LRMDA: variants seen among roughly 807,000 people sequenced by gnomAD.
The protein encoded by LRMDA is leucine-rich melanocyte differentiation-associated protein.
In LRMDA, 18 loss-of-function variants were observed where a neutral mutation model predicts 29.8. The ratio of observed to expected loss-of-function variants is 0.60; its 90% confidence interval spans 0.42 to 0.90. The LOEUF (loss-of-function observed/expected upper bound fraction) is 0.90, where lower values mean the gene tolerates loss of function less well. Ranked by LOEUF, LRMDA falls within the 40% of genes least tolerant of loss-of-function variation. The pLI is 0.00. For missense variants in LRMDA, 273 were observed against 273.9 expected, an observed-to-expected ratio of 1.00 and a Z score of 0.02; for synonymous variants, 125 against 109.4, an observed-to-expected ratio of 1.14 and a Z score of -0.89.
At chr10:76,212,820 GTGGAAGTGACT>G (rs1564687789) in intron 5 of LRMDA, among the ~76,000 whole-genome samples, 1 of 152,154 alleles carries the variant, frequency 6.6e-6, no homozygotes, top group Non-Finnish European at 1.5e-5. Flanking sequence ...ATCAGTGTAG[GTGGAAGTGACT>G]TGGATCTTGC....
intron 5 of LRMDA, among the ~76,000 whole-genome samples, chr10:76,194,041 G>A (rs906985476): frequency 6.6e-6 from 1 of 152,182 alleles, no homozygotes; most frequent in Non-Finnish European, 1.5e-5. Context: ...GAGACTTGAA[G>A]GGACAGGATA....
At chr10:75,473,195 T>C (rs989616307) in intron 2 of LRMDA, among the ~76,000 whole-genome samples, 6 of 152,190 alleles carry the variant, frequency 3.9e-5, no homozygotes, top group African/African-American at 1.4e-4. Context: ...TGAGATTGGA[T>C]GTAAATCAAA....
intron 2 of LRMDA, among the ~76,000 whole-genome samples, chr10:75,629,178 C>A (rs1459050543): frequency 2.0e-5 from 3 of 152,194 alleles, no homozygotes; most frequent in Non-Finnish European, 2.9e-5. Context: ...CTCCTCTCAT[C>A]TGAGAAGAAA....
intron 2 of LRMDA, among the ~76,000 whole-genome samples, chr10:75,881,680 C>G (rs1845297436): frequency 6.6e-6 from 1 of 152,186 alleles, no homozygotes; most frequent in Non-Finnish European, 1.5e-5. Flanking sequence ...GGGTGAACAC[C>G]AAGTGGCCAA....
chr10:76,521,197 G>A (rs1231274128), intron 6 of LRMDA, among the ~76,000 whole-genome samples: 5 of 148,070 alleles, frequency 3.4e-5, no homozygotes, highest in African/African-American at 1.0e-4. Flanking sequence ...GCCGTGGCGC[G>A]ATCTCGGCTC....
chr10:75,847,933 A>G (rs1361608060), intron 2 of LRMDA, among the ~76,000 whole-genome samples: 1 of 152,236 alleles, frequency 6.6e-6, no homozygotes, highest in East Asian at 1.9e-4. Context: ...AAGGATATGG[A>G]GAAATTGGAA....
At chr10:75,591,330 G>A (rs1473018663) in intron 2 of LRMDA, among the ~76,000 whole-genome samples, 4 of 152,184 alleles carry the variant, frequency 2.6e-5, no homozygotes, top group East Asian at 3.8e-4. Context: ...CTTTGTTTTA[G>A]TAATTGCACA....
At chr10:76,014,895 G>C (rs2132484517) in intron 2 of LRMDA, among the ~76,000 whole-genome samples, 1 of 152,324 alleles carries the variant, frequency 6.6e-6, no homozygotes, top group South Asian at 2.1e-4. Context: ...CCTCCTGGCT[G>C]CAGCATCTAA....
chr10:76,291,394 C>T (rs1463217160), intron 5 of LRMDA, among the ~76,000 whole-genome samples: 1 of 152,118 alleles, frequency 6.6e-6, no homozygotes, highest in Non-Finnish European at 1.5e-5. Flanking sequence ...CTTCTAATGA[C>T]TGAAATGTTT....
At chr10:76,504,621 G>A (rs1160095258) in intron 6 of LRMDA, among the ~76,000 whole-genome samples, 1 of 152,000 alleles carries the variant, frequency 6.6e-6, no homozygotes, top group Admixed American at 6.6e-5. Flanking sequence ...TCTGATATAA[G>A]AATAGTGAGT....
chr10:75,758,132 G>A (rs544449803), intron 2 of LRMDA, among the ~76,000 whole-genome samples: 1 of 152,318 alleles, frequency 6.6e-6, no homozygotes, highest in Admixed American at 6.5e-5. Flanking sequence ...CCCTGGTGAG[G>A]CAGGTGAACC....
chr10:76,464,826 T>C (rs553755841), intron 6 of LRMDA: 3 of 152,196 alleles, frequency 2.0e-5, no homozygotes, highest in African/African-American at 4.8e-5. Flanking sequence ...TGGGTGTGAA[T>C]CTCTGTGTGC....
intron 2 of LRMDA, among the ~76,000 whole-genome samples, chr10:75,669,928 G>A (rs897407275): frequency 2.6e-5 from 4 of 152,168 alleles, no homozygotes; most frequent in Non-Finnish European, 5.9e-5. Flanking sequence ...AAGAAAAGGA[G>A]CAGATGAGAA....
chr10:75,949,748 G>A (rs1470662024), intron 2 of LRMDA, among the ~76,000 whole-genome samples: 1 of 152,122 alleles, frequency 6.6e-6, no homozygotes, highest in Non-Finnish European at 1.5e-5. Flanking sequence ...TTTACCCATA[G>A]GGAAGCTTGC....
At chr10:76,472,699 G>T (rs142418926) in intron 6 of LRMDA, among the ~76,000 whole-genome samples, 2 of 151,512 alleles carry the variant, frequency 1.3e-5, no homozygotes, top group South Asian at 2.1e-4. Context: ...GAAAGAGGGA[G>T]CATTACTATC....
At chr10:75,893,891 C>A (rs1172157251) in intron 2 of LRMDA, among the ~76,000 whole-genome samples, 1 of 149,818 alleles carries the variant, frequency 6.7e-6, no homozygotes, top group East Asian at 1.9e-4. Flanking sequence ...CGAGATCACA[C>A]CACTGCACTC....
At chr10:75,728,837 T>C (rs1311054241) in intron 2 of LRMDA, among the ~76,000 whole-genome samples, 1 of 152,070 alleles carries the variant, frequency 6.6e-6, no homozygotes, top group Non-Finnish European at 1.5e-5. Context: ...TTTGGGTAGA[T>C]GGATAAGTTG....
intron 2 of LRMDA, among the ~76,000 whole-genome samples, chr10:75,612,984 C>T (rs1041238986): frequency 6.6e-6 from 1 of 152,198 alleles, no homozygotes; most frequent in African/African-American, 2.4e-5. Flanking sequence ...AAGAGCATTA[C>T]TCAAACGTAT....
At chr10:76,221,290 G>A (rs904352127) in intron 5 of LRMDA, among the ~76,000 whole-genome samples, 1 of 152,160 alleles carries the variant, frequency 6.6e-6, no homozygotes, top group Non-Finnish European at 1.5e-5. Context: ...GGCAGGAGAA[G>A]GAAATAAAGG....
Sources: allele counts gnomAD v4.1 joint callset (sites outside exome capture counted in the v4.1 genomes callset), GRCh38; gene constraint gnomAD v4.1.1; transcripts MANE v1.5; gene names NCBI Gene and HGNC (gene_info 2026-07-23, HGNC 2026-07-21).